The following SORCS3 variants were observed in gnomAD, a reference collection of about 807,000 sequenced individuals.
SORCS3 encodes the protein VPS10 domain-containing receptor SorCS3.
In SORCS3, 57 loss-of-function variants were observed where a neutral mutation model predicts 146.3. The observed-to-expected ratio is 0.39, with a 90% CI of 0.31 to 0.49. SORCS3 has a LOEUF of 0.49. Among genes scored for constraint, SORCS3 ranks in the 20% least tolerant of loss-of-function variants. The pLI, the probability that SORCS3 is intolerant of heterozygous loss-of-function variation, is 0.92. For missense variants in SORCS3, 1,341 were observed against 1,575.5 expected (o/e 0.85, Z 2.52); for synonymous variants, 653 against 618.5 (o/e 1.06, Z -0.83).
intron 1 of SORCS3, among the ~76,000 whole-genome samples, chr10:104,810,298 A>G (rs1564689058): frequency 6.6e-6 from 1 of 152,240 alleles, no homozygotes; most frequent in African/African-American, 2.4e-5. Flanking sequence ...ACTGGAGATT[A>G]TGTTAACATA....
chr10:105,227,850 G>T (rs2056743100), intron 20 of SORCS3, among the ~76,000 whole-genome samples: 1 of 151,088 alleles, frequency 6.6e-6, no homozygotes, highest in South Asian at 2.1e-4. Flanking sequence ...TTGTTTCTTT[G>T]ATATAAATAT....
intron 14 of SORCS3, among the ~76,000 whole-genome samples, chr10:105,198,421 G>A (rs1467749666): frequency 2.6e-5 from 4 of 152,134 alleles, no homozygotes; most frequent in African/African-American, 7.2e-5. Context: ...GTTTTCCCTT[G>A]ATGAGGCTTA....
At chr10:104,722,299 G>A (rs1200479974) in intron 1 of SORCS3, among the ~76,000 whole-genome samples, 2 of 152,180 alleles carry the variant, frequency 1.3e-5, no homozygotes, top group Non-Finnish European at 2.9e-5. Flanking sequence ...TGCATATGTT[G>A]AACCAGCCTT....
At chr10:105,255,828 T>C in intron 24 of SORCS3, 27 bp downstream of exon 24, 2 of 1,520,980 alleles carry the variant, frequency 1.3e-6, no homozygotes, top group Non-Finnish European at 1.8e-6. Flanking sequence ...ACTGGGGAAA[T>C]GGGAAAGAGG....
chr10:105,146,745 G>A (rs1180231849), intron 8 of SORCS3, among the ~76,000 whole-genome samples: 1 of 152,046 alleles, frequency 6.6e-6, no homozygotes, highest in East Asian at 1.9e-4. Flanking sequence ...ACTTCTGTGT[G>A]CCTGAGTTTG....
rs555675832 is a variant in SORCS3, at chr10:104,870,976, A to C, written c.695+28117A>C. Among the ~76,000 whole-genome samples, 145 of 152,304 alleles carry C rather than the reference A, an allele frequency of 9.5e-4. 1 individual carries two copies. The highest frequency in any genetic ancestry group is 3.2e-3 in the African/African-American group (133 of 41,568). On this transcript the variant is annotated intron_variant, in intron 2 of 26. Transcript: ENST00000369701. Reference sequence around the variant, plus strand: ...CCTAGAGACTACAGCCACACAAAGCACAGGAGTGAGCAGAAAGCACAGTGG... The same window carrying C: ...CCTAGAGACTACAGCCACACAAAGCCCAGGAGTGAGCAGAAAGCACAGTGG...
intron 4 of SORCS3, among the ~76,000 whole-genome samples, chr10:105,042,501 C>A (rs1258058664): frequency 6.6e-6 from 1 of 151,958 alleles, no homozygotes; most frequent in Admixed American, 6.6e-5. Flanking sequence ...CTGGCTTATC[C>A]CTAAGGTGTT....
intron 5 of SORCS3, among the ~76,000 whole-genome samples, chr10:105,052,523 G>A (rs1272107861): frequency 2.0e-5 from 3 of 152,100 alleles, no homozygotes; most frequent in East Asian, 3.9e-4. Context: ...TGTCACAGTG[G>A]GTGAGATTTC....
chr10:105,136,571 A>T (rs1039528550), intron 7 of SORCS3, among the ~76,000 whole-genome samples: 2 of 152,220 alleles, frequency 1.3e-5, no homozygotes, highest in African/African-American at 2.4e-5. Context: ...CATGAGAGTG[A>T]ATGTTGAAAG....
At chr10:104,739,589 T>C (rs1410782561) in intron 1 of SORCS3, among the ~76,000 whole-genome samples, 1 of 152,166 alleles carries the variant, frequency 6.6e-6, no homozygotes. Context: ...AGAGTAGGGT[T>C]CTTCACAGTA....
At chr10:105,200,458 T>A (rs908250626) in intron 15 of SORCS3, among the ~76,000 whole-genome samples, 3 of 152,040 alleles carry the variant, frequency 2.0e-5, no homozygotes, top group Non-Finnish European at 4.4e-5. Flanking sequence ...TATCTGCCAA[T>A]GTGGAGGGCG....
chr10:105,140,921 A>G (rs904081605), intron 8 of SORCS3, among the ~76,000 whole-genome samples: 3 of 152,176 alleles, frequency 2.0e-5, no homozygotes, highest in Non-Finnish European at 2.9e-5. Context: ...GGAAAGAGAT[A>G]TTCCAGCTTG....
intron 3 of SORCS3, among the ~76,000 whole-genome samples, chr10:104,916,744 C>A (rs2019032525): frequency 6.6e-6 from 1 of 152,062 alleles, no homozygotes; most frequent in African/African-American, 2.4e-5. Context: ...TATTAAAGGT[C>A]ATTTTAATAT....
chr10:104,663,437 T>C (rs1319356439), intron 1 of SORCS3, among the ~76,000 whole-genome samples: 1 of 152,156 alleles, frequency 6.6e-6, no homozygotes. Context: ...TGATCAAATA[T>C]TAAAAGTTGA....
chr10:105,202,538 CCT>C (rs1001697361), intron 16 of SORCS3, among the ~76,000 whole-genome samples: 3 of 151,998 alleles, frequency 2.0e-5, no homozygotes, highest in Non-Finnish European at 4.4e-5. Flanking sequence ...CTAGTATATC[CCT>C]GTTTTATTAT....
intron 2 of SORCS3, among the ~76,000 whole-genome samples, chr10:104,881,270 C>T (rs978284027): frequency 1.3e-5 from 2 of 152,082 alleles, no homozygotes; most frequent in African/African-American, 2.4e-5. Context: ...AGTTTAATCT[C>T]CTGAAATATT....
At chr10:105,024,709 A>G (rs1436488610) in intron 4 of SORCS3, among the ~76,000 whole-genome samples, 2 of 152,240 alleles carry the variant, frequency 1.3e-5, no homozygotes, top group African/African-American at 4.8e-5. Flanking sequence ...CACTTCAGGC[A>G]TCATCCAAAA....
chr10:105,058,929 A>T (rs969421300), intron 5 of SORCS3, among the ~76,000 whole-genome samples: 1 of 152,196 alleles, frequency 6.6e-6, no homozygotes, highest in Non-Finnish European at 1.5e-5. Context: ...CATCATATAC[A>T]TGTAAAAATT....
chr10:104,940,640 T>C (rs1356383554), intron 3 of SORCS3, among the ~76,000 whole-genome samples: 1 of 152,060 alleles, frequency 6.6e-6, no homozygotes, highest in Non-Finnish European at 1.5e-5. Flanking sequence ...ATCCACTCTA[T>C]CATTGATGGA....
Sources: gnomAD v4.1 joint callset for allele counts (sites outside exome capture counted in the v4.1 genomes callset) on GRCh38, gnomAD v4.1.1 for gene constraint, MANE v1.5 for transcripts, NCBI Gene and HGNC (gene_info 2026-07-23, HGNC 2026-07-21) for gene names.